GPC5: variants seen among roughly 807,000 people sequenced by gnomAD.
GPC5 encodes the protein glypican 5.
GPC5 carries 47 observed loss-of-function variants against 53.9 expected under a neutral mutation model. That is an observed-to-expected ratio of 0.87 (90% CI 0.69 to 1.11). The LOEUF (loss-of-function observed/expected upper bound fraction) is 1.11, where lower values mean the gene tolerates loss of function less well. GPC5 is among the 50% of genes most tolerant of loss of function. GPC5 has a pLI of 0.00. For missense variants in GPC5, 748 were observed against 713.1 expected, an observed-to-expected ratio of 1.05 and a Z score of -0.56; for synonymous variants, 286 against 263.3, an observed-to-expected ratio of 1.09 and a Z score of -0.84.
At chr13:92,409,172 T>A (rs1594177146) in intron 7 of GPC5, among the ~76,000 whole-genome samples, 1 of 151,908 alleles carries the variant, frequency 6.6e-6, no homozygotes, top group East Asian at 1.9e-4. Context: ...TAGTGGAAAA[T>A]AATTTTACGA....
intron 6 of GPC5, among the ~76,000 whole-genome samples, chr13:91,914,674 G>GTATATTATT (rs771735864): frequency 6.7e-6 from 1 of 148,806 alleles, no homozygotes. Flanking sequence ...TTAGGATACC[G>GTATATTATT]ATATAATAAA....
At chr13:92,050,337 G>T (rs902881205) in intron 6 of GPC5, among the ~76,000 whole-genome samples, 4 of 151,958 alleles carry the variant, frequency 2.6e-5, no homozygotes, top group African/African-American at 9.7e-5. Flanking sequence ...TTTAAAAAAA[G>T]CAATAAGGAA....
intron 2 of GPC5, among the ~76,000 whole-genome samples, chr13:91,574,673 G>A (rs1400372525): frequency 3.3e-5 from 5 of 152,016 alleles, no homozygotes; most frequent in Non-Finnish European, 7.4e-5. Flanking sequence ...CAAGTACTGA[G>A]GTGGTCATCA....
chr13:91,809,306 A>G (rs2138799224), intron 5 of GPC5, among the ~76,000 whole-genome samples: 1 of 152,288 alleles, frequency 6.6e-6, no homozygotes, highest in South Asian at 2.1e-4. Flanking sequence ...CCGTTTAATC[A>G]TAGCAATTAT....
Position 91,757,583 on chromosome 13 carries a change from C to T in GPC5, c.1280+1163C>T, listed in dbSNP as rs1372465279. ...CTGATGGTTTTATACGGGGCTTCCC[C>T]TTTGCTGTGCACATATACTTCTCTT... On this transcript the variant is annotated intron_variant, in intron 5 of 7. Transcript: ENST00000377067. Among the ~76,000 whole-genome samples the T allele has an allele frequency of 2.0e-5, 3 of 152,080 alleles. No individual in the cohort carries two copies. In the East Asian group the frequency reaches 5.8e-4, roughly 29 times the overall value.
At chr13:92,591,295 A>C (rs1883704152) in intron 7 of GPC5, among the ~76,000 whole-genome samples, 1 of 151,918 alleles carries the variant, frequency 6.6e-6, no homozygotes, top group Non-Finnish European at 1.5e-5. Context: ...GGGGAGCCTG[A>C]TGTGTGTCGC....
intron 5 of GPC5, among the ~76,000 whole-genome samples, chr13:91,814,798 C>A (rs181510055): frequency 6.6e-6 from 1 of 152,238 alleles, no homozygotes; most frequent in East Asian, 1.9e-4. Flanking sequence ...ACCTCAGCCT[C>A]CCAAAGTACT....
intron 7 of GPC5, among the ~76,000 whole-genome samples, chr13:92,245,535 A>G (rs2042644235): frequency 6.6e-6 from 1 of 152,202 alleles, no homozygotes; most frequent in Non-Finnish European, 1.5e-5. Flanking sequence ...AGAATGAATG[A>G]TTAAATAAAC....
intron 7 of GPC5, among the ~76,000 whole-genome samples, chr13:92,317,530 G>C (rs1044667665): frequency 1.3e-5 from 2 of 152,062 alleles, no homozygotes; most frequent in East Asian, 3.8e-4. Context: ...ATCTCACTCT[G>C]TTGTCCAGGC....
chr13:92,281,714 C>G (rs2042917000), intron 7 of GPC5, among the ~76,000 whole-genome samples: 1 of 152,166 alleles, frequency 6.6e-6, no homozygotes, highest in Admixed American at 6.5e-5. Context: ...AACTAACCAA[C>G]AGAAAGGACA....
At chr13:92,169,543 C>T (rs2042054661) in intron 7 of GPC5, among the ~76,000 whole-genome samples, 1 of 152,136 alleles carries the variant, frequency 6.6e-6, no homozygotes, top group Non-Finnish European at 1.5e-5. Flanking sequence ...AATACTGGCA[C>T]TTTGAAGATG....
At chr13:91,706,698 C>A (rs1261854639) in intron 3 of GPC5, among the ~76,000 whole-genome samples, 4 of 151,822 alleles carry the variant, frequency 2.6e-5, no homozygotes, top group Non-Finnish European at 4.4e-5. Flanking sequence ...GGGGAGAAAT[C>A]ATTAAATCAT....
intron 2 of GPC5, among the ~76,000 whole-genome samples, chr13:91,572,521 T>C (rs9301739): frequency 2.6e-5 from 4 of 151,856 alleles, no homozygotes; most frequent in South Asian, 4.1e-4. Flanking sequence ...GGGGGAGCCA[T>C]TGTATCACAT....
At chr13:92,763,739 C>G (rs1566408143) in intron 7 of GPC5, among the ~76,000 whole-genome samples, 1 of 152,224 alleles carries the variant, frequency 6.6e-6, no homozygotes, top group East Asian at 1.9e-4. Context: ...GAGGCACGCT[C>G]TAGAGTAGGG....
At chr13:91,904,417 GA>G (rs923692868) in intron 5 of GPC5, among the ~76,000 whole-genome samples, 60 of 151,850 alleles carry the variant, frequency 4.0e-4, no homozygotes, top group Non-Finnish European at 3.7e-4. Context: ...TGTAATTAGA[GA>G]AAAAAATAAC....
intron 2 of GPC5, among the ~76,000 whole-genome samples, chr13:91,680,850 A>G (rs393695): frequency 0.22 from 33,788 of 152,064 alleles, 5,002 homozygotes; most frequent in African/African-American, 0.42. Flanking sequence ...AATGAAATTT[A>G]CAATCATGTA....
At chr13:91,660,792 A>G (rs918915476) in intron 2 of GPC5, among the ~76,000 whole-genome samples, 1 of 152,180 alleles carries the variant, frequency 6.6e-6, no homozygotes, top group Admixed American at 6.5e-5. Flanking sequence ...TAAGTCAGAA[A>G]GTTAAGTCAC....
intron 6 of GPC5, among the ~76,000 whole-genome samples, chr13:91,997,592 C>T (rs2040515473): frequency 1.3e-5 from 2 of 152,194 alleles, no homozygotes; most frequent in African/African-American, 4.8e-5. Flanking sequence ...GATCTCAGCT[C>T]ACTGCAACCT....
At chr13:91,478,881 T>TTTTATATATATATATA (rs562726720) in intron 2 of GPC5, among the ~76,000 whole-genome samples, 1 of 67,500 alleles carries the variant, frequency 1.5e-5, no homozygotes, top group East Asian at 7.9e-4. Flanking sequence ...TATATACACA[T>TTTTATATATATATATA]TATATATATA....
Sources: gnomAD v4.1 joint callset for allele counts (sites outside exome capture counted in the v4.1 genomes callset) on GRCh38, gnomAD v4.1.1 for gene constraint, MANE v1.5 for transcripts, NCBI Gene and HGNC (gene_info 2026-07-23, HGNC 2026-07-21) for gene names.